GRM7: variants seen among roughly 807,000 people sequenced by gnomAD.
The protein encoded by GRM7 is glutamate metabotropic receptor 7, also known as metabotropic glutamate receptor 7.
Under a neutral mutation model 84.5 loss-of-function variants are expected in GRM7, and 35 were observed. That is an observed-to-expected ratio of 0.41 (90% CI 0.32 to 0.55). The LOEUF (loss-of-function observed/expected upper bound fraction) is 0.55. GRM7 is among the 20% of genes least tolerant of loss of function. GRM7 has a pLI of 0.19. For missense variants in GRM7, 1,003 were observed against 1,194.6 expected (o/e 0.84, Z 2.36); for synonymous variants, 487 against 455.1 (o/e 1.07, Z -0.89).
intron 1 of GRM7, among the ~76,000 whole-genome samples, chr3:6,913,816 C>A (rs190230095): frequency 1.2e-4 from 19 of 152,302 alleles, no homozygotes; most frequent in African/African-American, 4.1e-4. Flanking sequence ...GATAGATAGA[C>A]AACCAGACAG....
chr3:7,116,283 TCGTGAATTATAA>T (rs1693029389), intron 1 of GRM7, among the ~76,000 whole-genome samples: 2 of 152,264 alleles, frequency 1.3e-5, no homozygotes, highest in South Asian at 4.1e-4. Flanking sequence ...AAGTTGAAAA[TCGTGAATTATAA>T]CAACTGAGGT....
At chr3:7,260,750 C>T (rs1279346637) in intron 2 of GRM7, among the ~76,000 whole-genome samples, 1 of 147,264 alleles carries the variant, frequency 6.8e-6, no homozygotes, top group Non-Finnish European at 1.5e-5. Flanking sequence ...TATTTCTTGT[C>T]TTCTGTTAGC....
intron 1 of GRM7, among the ~76,000 whole-genome samples, chr3:7,033,027 T>C (rs951096159): frequency 6.6e-6 from 1 of 152,202 alleles, no homozygotes; most frequent in Non-Finnish European, 1.5e-5. Flanking sequence ...AAGGCATCAA[T>C]AGAGATGGGT....
At chr3:7,086,427 A>AC (rs1698461252) in intron 1 of GRM7, among the ~76,000 whole-genome samples, 2 of 152,192 alleles carry the variant, frequency 1.3e-5, no homozygotes, top group African/African-American at 4.8e-5. Context: ...GCTTAGTTAA[A>AC]TTTGAGTATT....
chr3:7,670,282 G>C (rs1289473186), intron 8 of GRM7, among the ~76,000 whole-genome samples: 1 of 152,174 alleles, frequency 6.6e-6, no homozygotes, highest in Non-Finnish European at 1.5e-5. Context: ...TCATAGCTTG[G>C]TGGCAGGACA....
rs562305638 is a variant in GRM7, at chr3:7,676,447, TTTAA to T, written c.2452-3582_2452-3579del. Among the ~76,000 whole-genome samples the T allele has an allele frequency of 4.4e-3, 673 of 152,310 alleles. 5 individuals are homozygous for T. Among genetic ancestry groups the T allele is most frequent in the South Asian group, 0.027 (130 of 4,818 alleles). On this transcript the variant is annotated intron_variant, in intron 8 of 9. Coordinates refer to ENST00000357716, the MANE Select transcript of GRM7 (RefSeq NM_000844.4). ...TATTTTTATCATGCTTATTCTTTGT[TTTAA>T]TTAATTAATTAATTAATTATTTTTG...
At chr3:7,169,848 C>T (rs1694925292) in intron 2 of GRM7, among the ~76,000 whole-genome samples, 1 of 152,106 alleles carries the variant, frequency 6.6e-6, no homozygotes, top group South Asian at 2.1e-4. Flanking sequence ...ATAATAGTTC[C>T]CATAAGAAGC....
intron 1 of GRM7, among the ~76,000 whole-genome samples, chr3:6,933,964 G>T (rs557459067): frequency 6.6e-6 from 1 of 152,272 alleles, no homozygotes; most frequent in South Asian, 2.1e-4. Context: ...AGGGTGGAAA[G>T]TTAAATGAGG....
intron 1 of GRM7, among the ~76,000 whole-genome samples, chr3:6,917,520 G>A (rs750043453): frequency 7.1e-6 from 1 of 140,750 alleles, no homozygotes; most frequent in African/African-American, 2.8e-5. Flanking sequence ...TTTGGAAAGA[G>A]AAGATGGATG....
chr3:7,090,252 G>A (rs1420526524), intron 1 of GRM7, among the ~76,000 whole-genome samples: 1 of 152,160 alleles, frequency 6.6e-6, no homozygotes, highest in Non-Finnish European at 1.5e-5. Flanking sequence ...TGAAAATGAG[G>A]ATTTGGGTAT....
intron 2 of GRM7, among the ~76,000 whole-genome samples, chr3:7,207,761 C>T (rs1696286927): frequency 6.6e-6 from 1 of 152,302 alleles, no homozygotes; most frequent in Admixed American, 6.5e-5. Flanking sequence ...GTAGATATAT[C>T]AGATTTTTAA....
chr3:7,380,243 C>T (rs748584712), intron 4 of GRM7, among the ~76,000 whole-genome samples: 1 of 152,138 alleles, frequency 6.6e-6, no homozygotes, highest in Non-Finnish European at 1.5e-5. Context: ...CTAGTTTGGC[C>T]ATGCCCTCAA....
intron 7 of GRM7, among the ~76,000 whole-genome samples, chr3:7,490,685 C>T (rs375468244): frequency 1.2e-4 from 18 of 152,082 alleles, no homozygotes; most frequent in Non-Finnish European, 2.2e-4. Flanking sequence ...ATCTATTAGA[C>T]GATCTATATT....
intron 8 of GRM7, among the ~76,000 whole-genome samples, chr3:7,645,322 G>T (rs141473842): frequency 0.022 from 3,353 of 152,014 alleles, 128 homozygotes; most frequent in African/African-American, 0.077. Flanking sequence ...GCCAAGGCGG[G>T]CAGACCACAA....
At chr3:7,720,541 G>C (rs550012274) in intron 9 of GRM7, among the ~76,000 whole-genome samples, 3 of 152,252 alleles carry the variant, frequency 2.0e-5, no homozygotes, top group African/African-American at 7.2e-5. Context: ...CCTAAAAGGG[G>C]GCTCCTCAGT....
At chr3:6,916,598 G>C (rs997199366) in intron 1 of GRM7, among the ~76,000 whole-genome samples, 2 of 152,118 alleles carry the variant, frequency 1.3e-5, no homozygotes, top group African/African-American at 4.8e-5. Flanking sequence ...CACCTTCTAT[G>C]TGTCCTCACA....
At chr3:7,296,581 C>T (rs1361160016) in intron 2 of GRM7, among the ~76,000 whole-genome samples, 2 of 152,064 alleles carry the variant, frequency 1.3e-5, no homozygotes, top group East Asian at 1.9e-4. Context: ...ATTCAGATTA[C>T]TATGCATTCA....
chr3:7,633,679 A>G (rs1575576514), intron 8 of GRM7, among the ~76,000 whole-genome samples: 1 of 152,128 alleles, frequency 6.6e-6, no homozygotes, highest in Admixed American at 6.5e-5. Context: ...TCTGCTATGA[A>G]CAATAGCCTC....
At chr3:7,570,530 A>T (rs1419834078) in intron 7 of GRM7, among the ~76,000 whole-genome samples, 1 of 152,174 alleles carries the variant, frequency 6.6e-6, no homozygotes, top group Non-Finnish European at 1.5e-5. Context: ...CATGTCTCAC[A>T]TCCAGGTCAT....
Sources: allele counts gnomAD v4.1 joint callset (sites outside exome capture counted in the v4.1 genomes callset), GRCh38; gene constraint gnomAD v4.1.1; transcripts MANE v1.5; gene names NCBI Gene and HGNC (gene_info 2026-07-23, HGNC 2026-07-21).